The following TDRD3 variants were observed in gnomAD, a reference collection of about 807,000 sequenced individuals.
TDRD3 encodes tudor domain containing 3.
TDRD3 carries 45 observed loss-of-function variants against 86.7 expected under a neutral mutation model. That is an observed-to-expected ratio of 0.52 (90% CI 0.41 to 0.67). The LOEUF (loss-of-function observed/expected upper bound fraction) is 0.67, where lower values mean the gene tolerates loss of function less well. TDRD3 is among the 30% of genes least tolerant of loss of function. TDRD3 has a pLI of 0.00. For synonymous variants in TDRD3, 298 were observed against 301.7 expected (o/e 0.99, Z 0.13); for missense variants, 814 against 889.0 (o/e 0.92, Z 1.07).
chr13:60,464,738 G>A (rs1375267903), intron 4 of TDRD3, among the ~76,000 whole-genome samples: 1 of 151,936 alleles, frequency 6.6e-6, no homozygotes, highest in African/African-American at 2.4e-5. Context: ...TCATTCATGT[G>A]GGAACTAAAA....
chr13:60,397,272 C>G lies in TDRD3; in HGVS notation c.-93C>G. On this transcript the variant is annotated 5_prime_UTR_variant, in exon 1 of 14. Transcript: ENST00000377881. ...CCAGAGGAGTTTTTTCTTTTCTTTTCTTTTTTTTTTTTTAAGGGGGGGGGT... is the reference window on the plus strand; with the variant it reads ...CCAGAGGAGTTTTTTCTTTTCTTTTGTTTTTTTTTTTTTAAGGGGGGGGGT... 211 of 461,610 alleles carry G rather than the reference C, an allele frequency of 4.6e-4. No homozygotes were observed. The highest frequency in any genetic ancestry group is 6.2e-4 in the East Asian group (13 of 20,934). 28.6% of individuals were successfully genotyped at this position (461,610 alleles called of 1,614,324 possible).
chr13:60,397,881 C>T (rs1245749895), intron 1 of TDRD3, among the ~76,000 whole-genome samples: 1 of 152,116 alleles, frequency 6.6e-6, no homozygotes, highest in Non-Finnish European at 1.5e-5. Context: ...GAGGGCAGAG[C>T]AGAGCACAGC....
chr13:60,562,639 T>C (rs9528161), intron 12 of TDRD3, among the ~76,000 whole-genome samples: 63,562 of 151,892 alleles, frequency 0.42, 13,881 homozygotes, highest in South Asian at 0.54. Flanking sequence ...TAACATTTCA[T>C]GGTTCAAAAT....
chr13:60,561,335 G>C (rs1362409858), intron 12 of TDRD3, among the ~76,000 whole-genome samples: 4 of 152,084 alleles, frequency 2.6e-5, no homozygotes, highest in African/African-American at 7.2e-5. Flanking sequence ...TCCAGTTCTG[G>C]CTCTTCCACT....
At chr13:60,436,046 T>C (rs1955090135) in intron 1 of TDRD3, among the ~76,000 whole-genome samples, 1 of 151,664 alleles carries the variant, frequency 6.6e-6, no homozygotes, top group Admixed American at 6.6e-5. Context: ...CTGTTGGCTG[T>C]TTTTATATAT....
intron 5 of TDRD3, among the ~76,000 whole-genome samples, chr13:60,473,144 T>A (rs551984668): frequency 6.6e-6 from 1 of 152,304 alleles, no homozygotes; most frequent in Admixed American, 6.5e-5. Flanking sequence ...GCCTTCCTGC[T>A]GCATCATAAC....
intron 10 of TDRD3, among the ~76,000 whole-genome samples, chr13:60,522,616 G>C (rs1226764127): frequency 6.6e-6 from 1 of 152,160 alleles, no homozygotes; most frequent in Non-Finnish European, 1.5e-5. Flanking sequence ...ATGATAAAAA[G>C]CTATGTAGTC....
chr13:60,480,262 G>A (rs1489135720), intron 5 of TDRD3, among the ~76,000 whole-genome samples: 1 of 152,104 alleles, frequency 6.6e-6, no homozygotes, highest in African/African-American at 2.4e-5. Flanking sequence ...AGCTTAGTTT[G>A]GTAGGATATG....
intron 1 of TDRD3, among the ~76,000 whole-genome samples, chr13:60,417,351 ATTT>A (rs113668776): frequency 7.3e-5 from 9 of 122,950 alleles, no homozygotes; most frequent in Admixed American, 1.7e-4. Context: ...AACTAATTTC[ATTT>A]TTTTTTTTTT....
intron 2 of TDRD3, among the ~76,000 whole-genome samples, chr13:60,441,907 C>G (rs1362636841): frequency 6.6e-6 from 1 of 152,124 alleles, no homozygotes; most frequent in Non-Finnish European, 1.5e-5. Flanking sequence ...AGATCCCTCC[C>G]AGAAAACAGA....
At chr13:60,540,615 G>A (rs74405049) in intron 12 of TDRD3, among the ~76,000 whole-genome samples, 23,013 of 151,924 alleles carry the variant, frequency 0.15, 1,965 homozygotes, top group African/African-American at 0.22. Flanking sequence ...AAAAACTTGA[G>A]GTTTAGTTTT....
chr13:60,442,400 T>G (rs1456301224), intron 2 of TDRD3, among the ~76,000 whole-genome samples: 1 of 152,072 alleles, frequency 6.6e-6, no homozygotes, highest in Non-Finnish European at 1.5e-5. Context: ...TGTATTTATG[T>G]GTGCATATGT....
intron 1 of TDRD3, among the ~76,000 whole-genome samples, chr13:60,427,600 A>G (rs1337542843): frequency 6.6e-6 from 1 of 152,110 alleles, no homozygotes; most frequent in East Asian, 1.9e-4. Context: ...ATCTCTCCAC[A>G]CTGTTCAGTG....
intron 1 of TDRD3, among the ~76,000 whole-genome samples, chr13:60,419,141 A>G (rs1399739121): frequency 1.3e-5 from 2 of 152,168 alleles, no homozygotes; most frequent in African/African-American, 4.8e-5. Context: ...TTATTTCCAA[A>G]GTGGGTGTGA....
chr13:60,515,306 T>G (rs1380486469), intron 10 of TDRD3, among the ~76,000 whole-genome samples: 1 of 152,194 alleles, frequency 6.6e-6, no homozygotes, highest in Non-Finnish European at 1.5e-5. Context: ...TTGAAAACAC[T>G]ATTTGGTTTG....
At chr13:60,554,665 C>A (rs17189689) in intron 12 of TDRD3, among the ~76,000 whole-genome samples, 17,823 of 152,196 alleles carry the variant, frequency 0.12, 1,348 homozygotes, top group South Asian at 0.26. Flanking sequence ...AATACAGAGA[C>A]TTCGTGCTTT....
chr13:60,424,160 T>A lies in TDRD3; in HGVS notation c.42-15528T>A, dbSNP rs182944970. 5.7e-4 allele frequency among the ~76,000 whole-genome samples: 87 copies of A among 152,026 alleles called. 1 individual carries two copies. Among genetic ancestry groups the A allele is most frequent in the South Asian group, 1.7e-3 (8 of 4,800 alleles). On this transcript the variant is annotated intron_variant, in intron 1 of 13. Transcript: ENST00000377881. ...TCTTAGCCTCCCGAGTAGCTGGGACTACAGGCGCCCGCCACCATGCCCGGC... is the reference window on the plus strand; with the variant it reads ...TCTTAGCCTCCCGAGTAGCTGGGACAACAGGCGCCCGCCACCATGCCCGGC...
intron 10 of TDRD3, among the ~76,000 whole-genome samples, chr13:60,515,790 C>G (rs959643489): frequency 4.6e-5 from 7 of 152,094 alleles, no homozygotes; most frequent in African/African-American, 1.7e-4. Flanking sequence ...GGAGTTAAAG[C>G]CCAGAGTAAA....
At chr13:60,444,119 C>T (rs939570841) in intron 2 of TDRD3, among the ~76,000 whole-genome samples, 1 of 151,568 alleles carries the variant, frequency 6.6e-6, no homozygotes, top group Non-Finnish European at 1.5e-5. Flanking sequence ...ATTTGTTTAC[C>T]ACCTTCTATT....
Sources: allele counts gnomAD v4.1 joint callset (sites outside exome capture counted in the v4.1 genomes callset), GRCh38; gene constraint gnomAD v4.1.1; transcripts MANE v1.5; gene names NCBI Gene and HGNC (gene_info 2026-07-23, HGNC 2026-07-21).